Variants in FLII observed in about 807,000 individuals in gnomAD.
FLII encodes the protein FLII actin remodeling protein.
In FLII, 101 loss-of-function variants were observed where a neutral mutation model predicts 156.2. That is an observed-to-expected ratio of 0.65 (90% CI 0.55 to 0.76). The LOEUF is 0.76. Among genes scored for constraint, FLII ranks in the 30% least tolerant of loss-of-function variants. The probability of loss-of-function intolerance (pLI) is 0.00; values close to 1 mark genes in which losing one functional copy is unlikely to be tolerated. For missense variants in FLII, 1,675 were observed against 1,682.8 expected, an observed-to-expected ratio of 1.00 and a Z score of 0.08; for synonymous variants, 767 against 685.8, an observed-to-expected ratio of 1.12 and a Z score of -1.85.
chr17:18,252,149 G>T lies in FLII; in HGVS notation c.1099-3C>A. 7 of 1,612,780 alleles carry T rather than the reference G, an allele frequency of 4.3e-6. No individual in the cohort carries two copies. Among genetic ancestry groups the T allele is most frequent in the Non-Finnish European group, 5.9e-6 (7 of 1,179,674 alleles). ...GGGTTCTCCCGCACATCCAGGACCT[G>T]CCCCATAGGGTGAGCAGAGCCGGCA... is the stretch of plus-strand genomic sequence containing the variant. On this transcript the variant is annotated splice_region_variant and splice_polypyrimidine_tract_variant and intron_variant, in intron 10 of 29. Coordinates refer to ENST00000327031, the MANE Select transcript of FLII (RefSeq NM_002018.4).
chr17:18,252,955 A>G (rs1287880615), intron 9 of FLII, among the ~76,000 whole-genome samples: 2 of 152,166 alleles, frequency 1.3e-5, no homozygotes, highest in Non-Finnish European at 2.9e-5. Flanking sequence ...ATTCAAGACC[A>G]GCCTGGCCAA....
At chr17:18,254,402 G>C in intron 6 of FLII, 119 bp downstream of exon 6, 1 of 1,048,818 alleles carries the variant, frequency 9.5e-7, no homozygotes, top group Non-Finnish European at 1.4e-6. Context: ...GAGGGGTGCT[G>C]CCTGCACGGA....
In FLII at chr17:18,255,171, G is replaced by A. The variant is rs777224928; in HGVS notation, c.327+12C>T. ...GCTAGCACAGGGGCCAGGTGAGTGGGTAGCCACTGACCAGGACTGAGAGAT... is the reference window on the plus strand; with the variant it reads ...GCTAGCACAGGGGCCAGGTGAGTGGATAGCCACTGACCAGGACTGAGAGAT... On this transcript the variant is annotated intron_variant, in intron 4 of 29. Coordinates refer to ENST00000327031, the MANE Select transcript of FLII (RefSeq NM_002018.4). 4 of 1,598,310 alleles carry A rather than the reference G, an allele frequency of 2.5e-6. No individual in the cohort carries two copies. The African/African-American group carries it at 4.0e-5, about 16-fold the overall frequency.
At chr17:18,253,846 C>T (rs68165736) in intron 7 of FLII, 127 bp from the exon 8 acceptor site, 132,109 of 1,005,274 alleles carry the variant, frequency 0.13, 9,564 homozygotes, top group Admixed American at 0.18. Flanking sequence ...AACTGCTGTG[C>T]GCCCAAGTTT....
chr17:18,248,338 A>C (rs971900900), intron 18 of FLII, among the ~76,000 whole-genome samples: 2 of 152,048 alleles, frequency 1.3e-5, no homozygotes, highest in African/African-American at 2.4e-5. Context: ...TGTCTCCCCT[A>C]CGGCCCCACC....
chr17:18,253,438 G>A lies in FLII; in HGVS notation c.876C>T (p.Ser292=). Residue 292 remains serine (S), a synonymous_variant, in exon 9 of 30, where the codon AGC becomes AGT. Transcript: ENST00000327031. Reference sequence around the variant, plus strand: ...AATTCAGGTACAGCTTCTTCAGCTTGCTCAGCTTGCAAATGGCTGACTGGA... The same window carrying A: ...AATTCAGGTACAGCTTCTTCAGCTTACTCAGCTTGCAAATGGCTGACTGGA... ...TSLPSAICKL[S]KLKKLYLNSN... The A allele has an allele frequency of 6.2e-7, 1 of 1,613,866 alleles. No individual in the cohort carries two copies. The highest frequency in any genetic ancestry group is 1.7e-5 in the Admixed American group (1 of 60,026).
At chr17:18,254,948 T>TG in intron 4 of FLII, 94 bp from the exon 5 acceptor site, 2 of 1,271,488 alleles carry the variant, frequency 1.6e-6, no homozygotes, top group Non-Finnish European at 1.1e-6. Flanking sequence ...GAGTTGGGTG[T>TG]GGGGGTAGAT....
chr17:18,249,413 G>C lies in FLII; in HGVS notation c.1777-5C>G. 1 of 1,612,418 alleles carries C rather than the reference G, an allele frequency of 6.2e-7. No individual in the cohort carries two copies. The highest frequency in any genetic ancestry group is 8.5e-7 in the Non-Finnish European group (1 of 1,178,686). ...GGAGATGTCGTTGTCAAACACCTGT[G>C]TGTGTGAGGGTGTGGTTCTTCATCA... is the stretch of plus-strand genomic sequence containing the variant. On this transcript the variant is annotated splice_polypyrimidine_tract_variant and splice_region_variant and intron_variant, in intron 14 of 29. Transcript: ENST00000327031.
rs530030956 is a variant in FLII, at chr17:18,249,309, T to C, written c.1859+17A>G. ...CAGACTCCAGGTCCATACCCCCCAC[T>C]GCCCACACACCCTCACCTGGTGACA... On this transcript the variant is annotated intron_variant, in intron 15 of 29. Coordinates refer to ENST00000327031, the MANE Select transcript of FLII (RefSeq NM_002018.4). The C allele has an allele frequency of 6.2e-7, 1 of 1,611,674 alleles. No homozygotes were observed. The highest frequency in any genetic ancestry group is 1.1e-5 in the South Asian group (1 of 91,014).
chr17:18,258,172 A>G lies in FLII; in HGVS notation c.63+456T>C, dbSNP rs1183384283. Among the ~76,000 whole-genome samples, 1 of 152,256 alleles carries G rather than the reference A, an allele frequency of 6.6e-6. No individual in the cohort carries two copies. Among genetic ancestry groups the G allele is most frequent in the Non-Finnish European group, 1.5e-5 (1 of 68,036 alleles). On this transcript the variant is annotated intron_variant, in intron 1 of 29. Transcript: ENST00000327031. This position sits in a 1 kb window ranked among gnomAD's most constrained non-coding sequence, Gnocchi z 4.2. ...AGAGGGGAAGTGATCTGAGAGGCCC[A>G]GGATCACACAGTATGGCGGGTGGCG...
Position 18,255,144 on chromosome 17 carries a change from C to T in FLII, c.327+39G>A, listed in dbSNP as rs749070921. 72 of 1,488,562 alleles carry T rather than the reference C, an allele frequency of 4.8e-5. No individual in the cohort carries two copies. The Admixed American group carries it at 8.9e-4, about 18-fold the overall frequency. 92.2% of individuals were successfully genotyped at this position (1,488,562 alleles called of 1,614,324 possible). ...TATAGTGAGTGGGGATTGAATGGTC[C>T]GGCTAGCACAGGGGCCAGGTGAGTG... On this transcript the variant is annotated intron_variant, in intron 4 of 29. Coordinates refer to ENST00000327031, the MANE Select transcript of FLII (RefSeq NM_002018.4).
rs1405387108 is a variant in FLII, at chr17:18,251,460, C to T, written c.1401G>A (p.Arg467=). ...NKKQEESADA[R]APSGKVRRWD... ...AACGCCGCACCTTCCCGCTGGGGGCCCGGGCATCTGCGCTCTCCTGGGGGC... is the reference window on the plus strand; with the variant it reads ...AACGCCGCACCTTCCCGCTGGGGGCTCGGGCATCTGCGCTCTCCTGGGGGC... The change falls in exon 13 of 30, where the codon CGG becomes CGA. Residue 467 remains arginine, a synonymous_variant. Coordinates refer to ENST00000327031, the MANE Select transcript of FLII (RefSeq NM_002018.4). 6.2e-7 allele frequency: 1 copy of T among 1,607,540 alleles called. No homozygotes were observed. Among genetic ancestry groups the T allele is most frequent in the South Asian group, 1.1e-5 (1 of 90,750 alleles).
In FLII at chr17:18,258,304, G is replaced by A. The variant is rs1029594289; in HGVS notation, c.63+324C>T. The A allele has an allele frequency of 3.6e-6, 2 of 552,470 alleles. No individual in the cohort carries two copies. The highest frequency in any genetic ancestry group is 2.5e-5 in the South Asian group (1 of 40,740). The allele number at this position is 552,470 out of a possible 1,614,324, so 34.2% of individuals were successfully genotyped here. ...CTTGGGCGTGTGACCTCAGAGGGGC[G>A]GGGAGGCTCGCCCGATCCCCAGGCC... On this transcript the variant is annotated intron_variant, in intron 1 of 29. Coordinates refer to ENST00000327031, the MANE Select transcript of FLII (RefSeq NM_002018.4). This position sits in a 1 kb window ranked among gnomAD's most constrained non-coding sequence, Gnocchi z 4.2.
In FLII at chr17:18,251,774, A is replaced by G. The variant is rs922486318; in HGVS notation, c.1289T>C (p.Leu430Pro). The part of the protein sequence containing the change: ...PKDPMARKMR[L>P]RRRKDSAQDD... The stretch of plus-strand genomic sequence containing the variant: ...CTGGGCTGAATCCTTGCGCCTCCGC[A>G]GTCGCATCTTGCGAGCCATAGGGTC... The change falls in exon 12 of 30, where the codon CTG (leucine) becomes CCG (proline). Residue 430 changes from leucine to proline, a missense_variant. Leu to Pro is a moderately conservative substitution (Grantham distance 98). This residue lies in a region of FLII where 1,332 missense variants were observed against 1,269.3 expected (regional missense o/e 1.05). Coordinates refer to ENST00000327031, the MANE Select transcript of FLII (RefSeq NM_002018.4). 3 of 1,613,886 alleles carry G rather than the reference A, an allele frequency of 1.9e-6. No homozygotes were observed. Among genetic ancestry groups the G allele is most frequent in the Admixed American group, 1.7e-5 (1 of 60,034 alleles).
At chr17:18,247,130 A>ACCC (rs745534381) in intron 21 of FLII, 39 bp downstream of exon 21, 100 of 958,724 alleles carry the variant, frequency 1.0e-4, no homozygotes, top group Middle Eastern at 3.5e-4. Flanking sequence ...CCTGCCCCCC[A>ACCC]CCCCCCCCCC....
At chr17:18,251,080 C>T in intron 13 of FLII, 63 bp from the exon 14 acceptor site, 1 of 1,535,404 alleles carries the variant, frequency 6.5e-7, no homozygotes, top group Non-Finnish European at 8.8e-7. Context: ...CCCGGAGACG[C>T]CACTCTGAAC....
rs766676984 is a variant in FLII, at chr17:18,253,566, C to T, written c.833G>A (p.Arg278Gln). Residue 278 changes from arginine (R) to glutamine (Q), a missense_variant, in exon 8 of 30, where the codon CGA becomes CAA. Arg to Gln is a conservative substitution (Grantham distance 43). Transcript: ENST00000327031. ...WVHVETLNLS[R>Q]NQLTSLPSAI... is the part of the protein sequence containing the mutation. Reference sequence around the variant, plus strand: ...CACGGGCAGTGAGGTGAGCTGATTTCGGGACAGGTTCAGAGTTTCCACGTG... The same window carrying T: ...CACGGGCAGTGAGGTGAGCTGATTTTGGGACAGGTTCAGAGTTTCCACGTG... 1.5e-5 allele frequency: 24 copies of T among 1,613,114 alleles called. No individual in the cohort carries two copies. Among genetic ancestry groups the T allele is most frequent in the East Asian group, 1.1e-4 (5 of 44,876 alleles).
intron 3 of FLII, 111 bp from the exon 4 acceptor site, chr17:18,255,374 C>G (rs372886270): frequency 2.6e-6 from 2 of 774,914 alleles, no homozygotes; most frequent in African/African-American, 3.5e-5. Flanking sequence ...GGCCTGAGGA[C>G]TCTCTCACCT....
Position 18,258,475 on chromosome 17 carries a change from A to G in FLII, c.63+153T>C, listed in dbSNP as rs2048496524. ...CACTGGGCGGAGGCCTCGGAGGTCC[A>G]TTCCTGGCCAGGGGAGAGCCCCACC... On this transcript the variant is annotated intron_variant, in intron 1 of 29. Coordinates refer to ENST00000327031, the MANE Select transcript of FLII (RefSeq NM_002018.4). This position sits in a 1 kb window ranked among gnomAD's most constrained non-coding sequence, Gnocchi z 4.2. 6.6e-7 allele frequency: 1 copy of G among 1,510,348 alleles called. No individual in the cohort carries two copies. The highest frequency in any genetic ancestry group is 1.2e-5 in the South Asian group (1 of 81,124). The allele number at this position is 1,510,348 out of a possible 1,614,324, so 93.6% of individuals were successfully genotyped here. A position where few individuals can be genotyped will look rare whatever the true frequency, so the allele number is the denominator to read the frequency against.
Sources: allele counts gnomAD v4.1 joint callset (sites outside exome capture counted in the v4.1 genomes callset), GRCh38; gene constraint gnomAD v4.1.1; regional missense constraint gnomAD v4.1.1; non-coding constraint Gnocchi (gnomAD v3.1); transcripts MANE v1.5; gene names NCBI Gene and HGNC (gene_info 2026-07-23, HGNC 2026-07-21).